The following AAGAB variants were observed in gnomAD, a reference collection of about 807,000 sequenced individuals.
The protein encoded by AAGAB is alpha- and gamma-adaptin-binding protein p34.
AAGAB carries 38 observed loss-of-function variants against 44.1 expected under a neutral mutation model. The ratio of observed to expected loss-of-function variants is 0.86; its 90% CI spans 0.67 to 1.13. The LOEUF is 1.13. Ranked by LOEUF, AAGAB falls within the 50% of genes most tolerant of loss-of-function variation. AAGAB has a pLI of 0.00. For synonymous variants in AAGAB, 131 were observed against 131.8 expected, an observed-to-expected ratio of 0.99 and a Z score of 0.04; for missense variants, 450 against 373.8, an observed-to-expected ratio of 1.20 and a Z score of -1.68.
At chr15:67,249,041 A>AT (rs906082610) in intron 1 of AAGAB, among the ~76,000 whole-genome samples, 143 of 149,156 alleles carry the variant, frequency 9.6e-4, no homozygotes, top group African/African-American at 2.1e-3. Flanking sequence ...TAACCCAGAA[A>AT]TTTTTTTTTT....
intron 7 of AAGAB, among the ~76,000 whole-genome samples, chr15:67,204,880 A>G (rs1476097370): frequency 6.6e-6 from 1 of 152,168 alleles, no homozygotes; most frequent in Non-Finnish European, 1.5e-5. Context: ...TTCTTTCTAC[A>G]CTTATTGTTT....
intron 1 of AAGAB, among the ~76,000 whole-genome samples, chr15:67,238,098 G>T (rs1055389280): frequency 2.0e-5 from 3 of 151,858 alleles, no homozygotes; most frequent in Non-Finnish European, 2.9e-5. Context: ...ATAAAAGGTC[G>T]GCCCTTTTTT....
chr15:67,211,130 C>T (rs888241444), intron 5 of AAGAB, among the ~76,000 whole-genome samples: 9 of 152,188 alleles, frequency 5.9e-5, no homozygotes, highest in Non-Finnish European at 1.3e-4. Context: ...CAAATGTGGC[C>T]TGCTAGGCTG....
At chr15:67,233,132 A>C (rs1013588037) in intron 4 of AAGAB, among the ~76,000 whole-genome samples, 5 of 152,218 alleles carry the variant, frequency 3.3e-5, no homozygotes, top group African/African-American at 1.2e-4. Context: ...GTATGTTATA[A>C]AATCATGTAA....
chr15:67,232,527 C>A, intron 4 of AAGAB: 1 of 377,654 alleles, frequency 2.6e-6, no homozygotes, highest in South Asian at 2.4e-5. Context: ...CATTGATGTC[C>A]TTCACCCCGG....
chr15:67,238,960 G>T (rs1436444497), intron 1 of AAGAB, among the ~76,000 whole-genome samples: 1 of 152,214 alleles, frequency 6.6e-6, no homozygotes, highest in African/African-American at 2.4e-5. Context: ...CTTCCAAAGT[G>T]CTGGGATTAC....
chr15:67,254,997 C>T (rs371799427), upstream of AAGAB: 25 of 1,562,774 alleles, frequency 1.6e-5, no homozygotes, highest in Middle Eastern at 3.3e-4. Context: ...GCGCCACTTC[C>T]GAGCGAGGTC....
At chr15:67,242,409 G>T (rs1459815175) in intron 1 of AAGAB, among the ~76,000 whole-genome samples, 1 of 81,352 alleles carries the variant, frequency 1.2e-5, no homozygotes, top group South Asian at 4.8e-4. Flanking sequence ...CGGCCTGGGC[G>T]ACAGAGCGAG....
At chr15:67,208,450 A>G (rs1402788085) in intron 7 of AAGAB, 112 bp downstream of exon 7, 6 of 871,764 alleles carry the variant, frequency 6.9e-6, no homozygotes, top group Non-Finnish European at 1.1e-5. Context: ...TATACTACCA[A>G]TTTTTTTCCC....
At chr15:67,218,182 ATCCC>A (rs1555417415) in intron 5 of AAGAB, among the ~76,000 whole-genome samples, 1 of 152,124 alleles carries the variant, frequency 6.6e-6, no homozygotes, top group Non-Finnish European at 1.5e-5. Context: ...GTTTAATCTA[ATCCC>A]TCTTTCACTA....
In AAGAB at chr15:67,202,915, G is replaced by C; in HGVS notation, c.871-17C>G. ...TTTGGCCACCTGTGGAGAGAAGCATGCAACAAATTTTAGGCAACAGCTACA... is the reference window on the plus strand; with the variant it reads ...TTTGGCCACCTGTGGAGAGAAGCATCCAACAAATTTTAGGCAACAGCTACA... On this transcript the variant is annotated splice_polypyrimidine_tract_variant and intron_variant, in intron 9 of 9. Transcript: ENST00000261880. 5 of 1,613,094 alleles carry C rather than the reference G, an allele frequency of 3.1e-6. No individual in the cohort carries two copies. Among genetic ancestry groups the C allele is most frequent in the Non-Finnish European group, 4.2e-6 (5 of 1,179,078 alleles).
chr15:67,253,241 A>G (rs1485680803), intron 1 of AAGAB, among the ~76,000 whole-genome samples: 4 of 134,544 alleles, frequency 3.0e-5, no homozygotes, highest in Non-Finnish European at 6.3e-5. Flanking sequence ...CCTGGGCAAC[A>G]TGGCCAAACC....
intron 1 of AAGAB, 60 bp downstream of exon 1, chr15:67,254,499 G>A (rs1318413538): frequency 5.9e-6 from 9 of 1,535,916 alleles, no homozygotes; most frequent in East Asian, 2.4e-5. Context: ...GTGGTGCTGG[G>A]TCCGTCGCCC....
At chr15:67,237,952 T>C (rs1567028411) in intron 1 of AAGAB, among the ~76,000 whole-genome samples, 3 of 152,128 alleles carry the variant, frequency 2.0e-5, no homozygotes, top group African/African-American at 7.2e-5. Context: ...CAACATAAAG[T>C]TATGGGGAAA....
At chr15:67,239,672 T>C (rs1964550229) in intron 1 of AAGAB, among the ~76,000 whole-genome samples, 1 of 152,196 alleles carries the variant, frequency 6.6e-6, no homozygotes, top group Admixed American at 6.5e-5. Flanking sequence ...ATCACATCTG[T>C]GCCATATTAG....
chr15:67,204,260 A>G, intron 7 of AAGAB, 112 bp from the exon 8 acceptor site: 3 of 670,856 alleles, frequency 4.5e-6, no homozygotes, highest in Non-Finnish European at 7.6e-6. Flanking sequence ...TCGAAGGCCC[A>G]GTGTATACCA....
intron 1 of AAGAB, among the ~76,000 whole-genome samples, chr15:67,242,259 T>C (rs1416889173): frequency 8.3e-6 from 1 of 119,904 alleles, no homozygotes; most frequent in East Asian, 3.6e-4. Flanking sequence ...CCGTCTCTAC[T>C]AAAAATACAA....
chr15:67,215,446 T>C (rs1407847137), intron 5 of AAGAB, among the ~76,000 whole-genome samples: 6 of 152,206 alleles, frequency 3.9e-5, no homozygotes, highest in Admixed American at 3.9e-4. Context: ...ACAGACCTCC[T>C]AGATATTTTC....
At chr15:67,222,299 C>T (rs148991714) in intron 5 of AAGAB, among the ~76,000 whole-genome samples, 112 of 149,264 alleles carry the variant, frequency 7.5e-4, no homozygotes, top group Non-Finnish European at 1.2e-3. Context: ...ACCCATGCTG[C>T]CTGACTTTAG....
Sources: allele counts gnomAD v4.1 joint callset (sites outside exome capture counted in the v4.1 genomes callset), GRCh38; gene constraint gnomAD v4.1.1; transcripts MANE v1.5; gene names NCBI Gene and HGNC (gene_info 2026-07-23, HGNC 2026-07-21).